The following CNTN3 variants were observed in gnomAD, a reference collection of about 807,000 sequenced individuals.
CNTN3 encodes contactin 3, also known as contactin-3.
A neutral mutation model predicts 119.1 loss-of-function variants in CNTN3; 60 were observed. That is an observed-to-expected ratio of 0.50 (90% CI 0.41 to 0.62). The LOEUF is 0.62. Ranked by LOEUF, CNTN3 falls within the 20% of genes least tolerant of loss-of-function variation. The pLI is 0.00. For missense variants in CNTN3, 1,101 were observed against 1,242.4 expected (o/e 0.89, Z 1.71); for synonymous variants, 450 against 438.7 (o/e 1.03, Z -0.32).
chr3:74,409,683 T>C (rs1701406269), intron 5 of CNTN3, among the ~76,000 whole-genome samples: 1 of 152,184 alleles, frequency 6.6e-6, no homozygotes, highest in Non-Finnish European at 1.5e-5. Flanking sequence ...TTTTAACTTT[T>C]CTCTACATGA....
intron 1 of CNTN3, among the ~76,000 whole-genome samples, chr3:74,609,404 G>T (rs1705044204): frequency 6.6e-6 from 1 of 152,184 alleles, no homozygotes; most frequent in African/African-American, 2.4e-5. Flanking sequence ...CACATTGCTT[G>T]AATGAATGTT....
chr3:74,413,805 A>T (rs1326572771), intron 5 of CNTN3, among the ~76,000 whole-genome samples: 1 of 152,164 alleles, frequency 6.6e-6, no homozygotes, highest in Non-Finnish European at 1.5e-5. Context: ...GCTCAATTTA[A>T]TGAGGAAAAA....
intron 1 of CNTN3, among the ~76,000 whole-genome samples, chr3:74,587,168 T>A (rs1704607387): frequency 6.6e-6 from 1 of 151,540 alleles, no homozygotes; most frequent in Non-Finnish European, 1.5e-5. Context: ...GTAATGTGGG[T>A]GGGAGGTGGG....
chr3:74,318,504 G>T lies in CNTN3; in HGVS notation c.1669-15697C>A, dbSNP rs183901901. ...TCGTCTTTGATGATGGTCACGTACA[G>T]AGGGGTTTTTGGTGTGGATGTCCTT... On this transcript the variant is annotated intron_variant, in intron 13 of 22. Coordinates refer to ENST00000263665, the MANE Select transcript of CNTN3 (RefSeq NM_020872.3). 1.5e-4 allele frequency among the ~76,000 whole-genome samples: 23 copies of T among 152,296 alleles called. No homozygotes were observed. The East Asian group carries it at 3.9e-3, about 26-fold the overall frequency.
At chr3:74,329,845 T>C (rs1287948372) in intron 13 of CNTN3, among the ~76,000 whole-genome samples, 2 of 152,220 alleles carry the variant, frequency 1.3e-5, no homozygotes, top group African/African-American at 2.4e-5. Flanking sequence ...GTATCTCTTC[T>C]TGTGATTCTG....
intron 19 of CNTN3, among the ~76,000 whole-genome samples, chr3:74,292,408 A>C (rs952418526): frequency 2.0e-5 from 3 of 152,142 alleles, no homozygotes; most frequent in Non-Finnish European, 2.9e-5. Flanking sequence ...CTACTAAAAA[A>C]TACAAAAGTT....
At chr3:74,267,242 A>C (rs766308285) in intron 21 of CNTN3, 24 bp downstream of exon 21, 1 of 1,486,048 alleles carries the variant, frequency 6.7e-7, no homozygotes, top group Non-Finnish European at 9.4e-7. Flanking sequence ...ACGAAAATGA[A>C]GCATTGCAAA....
intron 5 of CNTN3, among the ~76,000 whole-genome samples, chr3:74,405,447 T>C (rs894097973): frequency 1.6e-4 from 25 of 152,238 alleles, no homozygotes; most frequent in Admixed American, 1.6e-3. Flanking sequence ...TAGTTCCACA[T>C]TGTTTTAGTA....
intron 4 of CNTN3, among the ~76,000 whole-genome samples, chr3:74,474,657 CT>C (rs1434631857): frequency 1.3e-5 from 2 of 152,096 alleles, no homozygotes; most frequent in Non-Finnish European, 2.9e-5. Context: ...CCGTGCCCAA[CT>C]GAGAGTCCCC....
chr3:74,440,403 T>A (rs13089189), intron 4 of CNTN3, among the ~76,000 whole-genome samples: 56,000 of 151,402 alleles, frequency 0.37, 11,315 homozygotes, highest in East Asian at 0.57. Context: ...ATATCTTAGA[T>A]CCCTACCTTG....
At chr3:74,286,499 T>C (rs1162604950) in intron 19 of CNTN3, among the ~76,000 whole-genome samples, 2 of 151,984 alleles carry the variant, frequency 1.3e-5, no homozygotes. Context: ...GCTGAAGACT[T>C]ATGGTGGAAA....
At chr3:74,561,428 C>G (rs1216921944) in intron 1 of CNTN3, among the ~76,000 whole-genome samples, 4 of 152,070 alleles carry the variant, frequency 2.6e-5, no homozygotes, top group Admixed American at 2.6e-4. Context: ...ACTTCTTCAC[C>G]ACATCCAGAT....
intron 1 of CNTN3, among the ~76,000 whole-genome samples, chr3:74,577,085 A>T (rs1704430248): frequency 6.6e-6 from 1 of 152,154 alleles, no homozygotes; most frequent in South Asian, 2.1e-4. Context: ...AACAAAACAC[A>T]TACCTCTCCC....
chr3:74,551,141 C>T (rs115622553), intron 1 of CNTN3, among the ~76,000 whole-genome samples: 2,549 of 152,212 alleles, frequency 0.017, 39 homozygotes, highest in Admixed American at 0.053. Context: ...CTTTCCTGTT[C>T]GAGCCTTAGC....
In CNTN3 at chr3:74,419,108, T is replaced by A. The variant is rs567956700; in HGVS notation, c.454+5737A>T. Among the ~76,000 whole-genome samples the A allele has an allele frequency of 2.0e-5, 3 of 152,280 alleles. No homozygotes were observed. The East Asian group carries it at 5.8e-4, about 29-fold the overall frequency. On this transcript the variant is annotated intron_variant, in intron 5 of 22. Transcript: ENST00000263665. Reference sequence around the variant, plus strand: ...CACCGCACCTGGCCTGTTTTAAAGTTTAACTTTATTACCTGCAGAACAGTA... The same window carrying A: ...CACCGCACCTGGCCTGTTTTAAAGTATAACTTTATTACCTGCAGAACAGTA...
At chr3:74,448,054 G>T (rs2106941424) in intron 4 of CNTN3, among the ~76,000 whole-genome samples, 1 of 152,240 alleles carries the variant, frequency 6.6e-6, no homozygotes, top group South Asian at 2.1e-4. Context: ...CCAGGTTAAA[G>T]CTTTGTCTTC....
chr3:74,344,655 T>C (rs1038281180), intron 11 of CNTN3, among the ~76,000 whole-genome samples: 3 of 151,784 alleles, frequency 2.0e-5, no homozygotes, highest in Admixed American at 6.6e-5. Context: ...TAGACGAGGT[T>C]TCACCGTGTT....
intron 1 of CNTN3, among the ~76,000 whole-genome samples, chr3:74,584,989 G>T (rs1236384412): frequency 6.6e-6 from 1 of 151,762 alleles, no homozygotes; most frequent in South Asian, 2.1e-4. Context: ...ATTTACACAG[G>T]ATCCAAAGTC....
chr3:74,338,477 C>T (rs1029473952), intron 11 of CNTN3, among the ~76,000 whole-genome samples: 8 of 143,032 alleles, frequency 5.6e-5, no homozygotes, highest in Non-Finnish European at 1.1e-4. Flanking sequence ...CACATATGTG[C>T]GTATGTGTAC....
Sources: allele counts gnomAD v4.1 joint callset (sites outside exome capture counted in the v4.1 genomes callset), GRCh38; gene constraint gnomAD v4.1.1; transcripts MANE v1.5; gene names NCBI Gene and HGNC (gene_info 2026-07-23, HGNC 2026-07-21).